Variants in BRINP3 observed in about 807,000 individuals in gnomAD.
BRINP3 encodes BMP/retinoic acid-inducible neural-specific protein 3.
In BRINP3, 19 loss-of-function variants were observed where a neutral mutation model predicts 71.0. That is an observed-to-expected ratio of 0.27 (90% CI 0.19 to 0.39). The LOEUF (loss-of-function observed/expected upper bound fraction) is 0.39, where lower values mean the gene tolerates loss of function less well. BRINP3 is among the 10% of genes least tolerant of loss of function. The pLI is 1.00. For missense variants in BRINP3, 959 were observed against 940.8 expected (o/e 1.02, Z -0.25); for synonymous variants, 380 against 337.7 (o/e 1.13, Z -1.37).
intron 7 of BRINP3, among the ~76,000 whole-genome samples, chr1:190,100,713 G>A (rs1289846216): frequency 2.6e-5 from 4 of 151,994 alleles, no homozygotes; most frequent in South Asian, 2.1e-4. Context: ...CAACTGTGTC[G>A]TATATACTCA....
At chr1:190,406,523 C>T (rs1672294608) in intron 2 of BRINP3, among the ~76,000 whole-genome samples, 4 of 152,110 alleles carry the variant, frequency 2.6e-5, no homozygotes, top group Non-Finnish European at 5.9e-5. Flanking sequence ...TTTGACTTTT[C>T]ATCTACTTAT....
chr1:190,191,989 C>G (rs1654075814), intron 6 of BRINP3, among the ~76,000 whole-genome samples: 1 of 152,100 alleles, frequency 6.6e-6, no homozygotes, highest in Admixed American at 6.6e-5. Flanking sequence ...AATGTTTATA[C>G]ATTTCAAGAT....
At chr1:190,223,276 A>G (rs1252859261) in intron 6 of BRINP3, among the ~76,000 whole-genome samples, 1 of 152,014 alleles carries the variant, frequency 6.6e-6, no homozygotes, top group African/African-American at 2.4e-5. Flanking sequence ...AAGATAATCA[A>G]CAAAACACTA....
At chr1:190,418,889 T>A (rs542473841) in intron 2 of BRINP3, among the ~76,000 whole-genome samples, 1 of 152,248 alleles carries the variant, frequency 6.6e-6, no homozygotes, top group African/African-American at 2.4e-5. Context: ...TAATGTACGA[T>A]GGATTTTTAT....
chr1:190,215,453 A>C (rs1258514005), intron 6 of BRINP3, among the ~76,000 whole-genome samples: 2 of 152,120 alleles, frequency 1.3e-5, no homozygotes, highest in East Asian at 3.9e-4. Flanking sequence ...ATTTGGATAT[A>C]CTTATTTTCC....
intron 4 of BRINP3, among the ~76,000 whole-genome samples, chr1:190,245,602 T>C (rs540893302): frequency 6.6e-6 from 1 of 152,202 alleles, no homozygotes; most frequent in South Asian, 2.1e-4. Context: ...TTAGTGATTT[T>C]TTTTTCTTTT....
chr1:190,137,614 C>G (rs190593012), intron 7 of BRINP3, among the ~76,000 whole-genome samples: 1 of 152,032 alleles, frequency 6.6e-6, no homozygotes, highest in African/African-American at 2.4e-5. Flanking sequence ...AGAGCAAAAC[C>G]CGTACAGTTT....
At chr1:190,327,326 C>CAAAAAAAAAAAAAAA (rs1227478693) in intron 2 of BRINP3, among the ~76,000 whole-genome samples, 84 of 44,196 alleles carry the variant, frequency 1.9e-3, no homozygotes, top group Non-Finnish European at 2.5e-3. Flanking sequence ...AAAAAAAGAA[C>CAAAAAAAAAAAAAAA]AAAAAAAAAA....
At chr1:190,222,286 A>G (rs1390241014) in intron 6 of BRINP3, among the ~76,000 whole-genome samples, 1 of 152,006 alleles carries the variant, frequency 6.6e-6, no homozygotes, top group East Asian at 1.9e-4. Flanking sequence ...ACACAAACAC[A>G]TAGAAATAAA....
chr1:190,116,517 A>T lies in BRINP3; in HGVS notation c.1185-17383T>A, dbSNP rs1233929739. ...TTCTGTTATTTGTTTGTAAAATTAA[A>T]TTCAAAGTAGCATAACTACTATGTA... On this transcript the variant is annotated intron_variant, in intron 7 of 7. Transcript: ENST00000367462. 2.0e-5 allele frequency among the ~76,000 whole-genome samples: 3 copies of T among 152,066 alleles called. No individual in the cohort carries two copies. The East Asian group carries it at 5.8e-4, about 29-fold the overall frequency.
intron 2 of BRINP3, among the ~76,000 whole-genome samples, chr1:190,428,245 A>G (rs1049378470): frequency 6.6e-6 from 1 of 152,046 alleles, no homozygotes; most frequent in East Asian, 1.9e-4. Context: ...CATTAACACA[A>G]TCTCTAAATT....
At position 190,326,265 on chromosome 1, in the gene BRINP3, T is replaced by C. The variant is rs182118092; in HGVS notation, c.237-44515A>G. Among the ~76,000 whole-genome samples, 5 of 152,256 alleles carry C rather than the reference T, an allele frequency of 3.3e-5. No homozygotes were observed. In the East Asian group the frequency reaches 9.7e-4, roughly 29 times the overall value. On this transcript the variant is annotated intron_variant, in intron 2 of 7. Coordinates refer to ENST00000367462, the MANE Select transcript of BRINP3 (RefSeq NM_199051.3). ...ACAGAATTTTTAAAAATGAACAAAG[T>C]ATTTGAGAAATATGGAGTTATGTAA... is the stretch of plus-strand genomic sequence containing the variant.
chr1:190,409,617 T>C (rs1329207169), intron 2 of BRINP3, among the ~76,000 whole-genome samples: 1 of 152,178 alleles, frequency 6.6e-6, no homozygotes, highest in Non-Finnish European at 1.5e-5. Flanking sequence ...AAGCATTTTC[T>C]TTTTAAAAAA....
intron 2 of BRINP3, among the ~76,000 whole-genome samples, chr1:190,441,425 G>C (rs987962919): frequency 1.3e-5 from 2 of 151,998 alleles, no homozygotes; most frequent in African/African-American, 4.8e-5. Flanking sequence ...TGTGCTAAAA[G>C]AAAATGGTTC....
chr1:190,191,529 G>T (rs1412561792), intron 6 of BRINP3, among the ~76,000 whole-genome samples: 3 of 152,018 alleles, frequency 2.0e-5, no homozygotes, highest in Non-Finnish European at 4.4e-5. Flanking sequence ...TCTTATGTTA[G>T]TTTGCTGAGG....
intron 6 of BRINP3, among the ~76,000 whole-genome samples, chr1:190,181,940 A>G (rs555230807): frequency 8.4e-4 from 128 of 152,154 alleles, no homozygotes; most frequent in African/African-American, 3.0e-3. Flanking sequence ...TTGGAAACCT[A>G]CTAAAATCCA....
chr1:190,126,727 C>A (rs1654114902), intron 7 of BRINP3, among the ~76,000 whole-genome samples: 1 of 151,910 alleles, frequency 6.6e-6, no homozygotes, highest in Non-Finnish European at 1.5e-5. Context: ...CCCAGTCAAT[C>A]ATTATCATGT....
intron 4 of BRINP3, among the ~76,000 whole-genome samples, chr1:190,260,311 G>GA (rs568301345): frequency 6.6e-6 from 1 of 151,870 alleles, no homozygotes; most frequent in African/African-American, 2.4e-5. Flanking sequence ...TCACCACAAA[G>GA]AAAAAAAGTA....
chr1:190,385,928 G>T (rs1472677549), intron 2 of BRINP3, among the ~76,000 whole-genome samples: 15 of 147,458 alleles, frequency 1.0e-4, no homozygotes, highest in Non-Finnish European at 2.1e-4. Context: ...CATGTCCTTT[G>T]TAGGGACATG....
Sources: allele counts gnomAD v4.1 joint callset (sites outside exome capture counted in the v4.1 genomes callset), GRCh38; gene constraint gnomAD v4.1.1; transcripts MANE v1.5; gene names NCBI Gene and HGNC (gene_info 2026-07-23, HGNC 2026-07-21).